THEMIS: variants seen among roughly 807,000 people sequenced by gnomAD.
THEMIS encodes the protein protein THEMIS.
In THEMIS, 37 loss-of-function variants were observed where a neutral mutation model predicts 52.6. The observed-to-expected ratio is 0.70, with a 90% CI of 0.54 to 0.93. The LOEUF is 0.93. Ranked by LOEUF, THEMIS falls within the 40% of genes least tolerant of loss-of-function variation. The probability of loss-of-function intolerance (pLI) is 0.00; values close to 1 mark genes in which losing one functional copy is unlikely to be tolerated. For missense variants in THEMIS, 808 were observed against 763.1 expected (o/e 1.06, Z -0.69); for synonymous variants, 292 against 272.7 (o/e 1.07, Z -0.70).
intron 4 of THEMIS, among the ~76,000 whole-genome samples, chr6:127,734,839 A>T (rs1320005328): frequency 1.5e-5 from 2 of 130,134 alleles, no homozygotes; most frequent in East Asian, 4.9e-4. Context: ...ATTGCATTCC[A>T]GCCTGGGCGA....
At chr6:127,721,597 A>T (rs553910) in intron 4 of THEMIS, among the ~76,000 whole-genome samples, 55,025 of 151,860 alleles carry the variant, frequency 0.36, 11,745 homozygotes, top group Non-Finnish European at 0.5. Context: ...GGATGTTGGT[A>T]TCAACTAGAA....
chr6:127,712,144 T>C (rs1382042314), intron 5 of THEMIS, among the ~76,000 whole-genome samples: 2 of 151,892 alleles, frequency 1.3e-5, no homozygotes, highest in African/African-American at 4.8e-5. Context: ...TTTGTCCAAC[T>C]CTCCCTTGTC....
At chr6:127,885,079 G>A (rs1780604894) in intron 1 of THEMIS, among the ~76,000 whole-genome samples, 1 of 152,100 alleles carries the variant, frequency 6.6e-6, no homozygotes, top group East Asian at 1.9e-4. Context: ...ATAAATTGGA[G>A]TGGGGGAGAA....
At chr6:127,821,270 G>T (rs769023280) in intron 3 of THEMIS, among the ~76,000 whole-genome samples, 1 of 151,822 alleles carries the variant, frequency 6.6e-6, no homozygotes, top group Non-Finnish European at 1.5e-5. Flanking sequence ...AGACCAAAGA[G>T]TACAAGCTAA....
intron 4 of THEMIS, among the ~76,000 whole-genome samples, chr6:127,808,919 C>T (rs765107708): frequency 1.6e-4 from 24 of 152,124 alleles, no homozygotes; most frequent in African/African-American, 4.6e-4. Flanking sequence ...CATAACCAAC[C>T]GCAGATACCT....
chr6:127,908,984 C>A (rs1781345511), intron 1 of THEMIS, among the ~76,000 whole-genome samples: 1 of 151,522 alleles, frequency 6.6e-6, no homozygotes, highest in Non-Finnish European at 1.5e-5. Context: ...TGATAAGTTG[C>A]CAATTGCTTA....
At chr6:127,861,806 G>GA (rs1779810614) in intron 1 of THEMIS, among the ~76,000 whole-genome samples, 3 of 73,448 alleles carry the variant, frequency 4.1e-5, no homozygotes, top group African/African-American at 1.0e-4. Flanking sequence ...AAAAAAAAAA[G>GA]AAAAGAAAGA....
rs149173595 is a variant in THEMIS, at chr6:127,792,613, C to T, written c.1758+20270G>A. ...CCTTCAAAATGCTCCTCATTTTTAA[C>T]CATTCCCTGAAAAACTCATGTTGCC... On this transcript the variant is annotated intron_variant, in intron 4 of 5. Transcript: ENST00000368248. Among the ~76,000 whole-genome samples the T allele has an allele frequency of 1.2e-4, 19 of 152,298 alleles. 1 individual carries two copies. In the East Asian group the frequency reaches 3.1e-3, roughly 25 times the overall value.
In THEMIS at chr6:127,733,021, G is replaced by A. The variant is rs542366899; in HGVS notation, c.1759-13198C>T. The stretch of plus-strand genomic sequence containing the variant: ...CTCAGTCTATTTAACCATTCTAGTG[G>A]ATTTGGTGTTGTTCGTGTTATCTCC... On this transcript the variant is annotated intron_variant, in intron 4 of 5. Transcript: ENST00000368248. 5.9e-5 allele frequency among the ~76,000 whole-genome samples: 9 copies of A among 152,250 alleles called. No homozygotes were observed. The South Asian group carries it at 1.9e-3, about 32-fold the overall frequency.
chr6:127,745,689 A>T (rs928045025), intron 4 of THEMIS, among the ~76,000 whole-genome samples: 1 of 151,918 alleles, frequency 6.6e-6, no homozygotes, highest in African/African-American at 2.4e-5. Flanking sequence ...GTGAAATAAC[A>T]TCCACACCAG....
intron 4 of THEMIS, among the ~76,000 whole-genome samples, chr6:127,782,186 T>C (rs1417301978): frequency 6.6e-6 from 1 of 152,158 alleles, no homozygotes; most frequent in Non-Finnish European, 1.5e-5. Flanking sequence ...TTTAGACTGC[T>C]GTGCTGGTAG....
At chr6:127,822,803 A>G (rs1319747080) in intron 3 of THEMIS, among the ~76,000 whole-genome samples, 1 of 152,084 alleles carries the variant, frequency 6.6e-6, no homozygotes, top group Non-Finnish European at 1.5e-5. Context: ...GGTGGGCCTC[A>G]TCTAATCAGT....
At chr6:127,848,058 T>C (rs1336188463) in intron 2 of THEMIS, among the ~76,000 whole-genome samples, 2 of 83,338 alleles carry the variant, frequency 2.4e-5, no homozygotes, top group Non-Finnish European at 5.5e-5. Context: ...CCTAATGCTA[T>C]CCCTCCCCCC....
intron 1 of THEMIS, among the ~76,000 whole-genome samples, chr6:127,856,878 C>A (rs908142995): frequency 1.1e-4 from 17 of 151,912 alleles, no homozygotes; most frequent in African/African-American, 4.1e-4. Context: ...TTGCTATGAT[C>A]CTCATTTGGC....
At chr6:127,900,770 C>T (rs1229584812) in intron 1 of THEMIS, 72 bp downstream of exon 1, 1 of 1,302,272 alleles carries the variant, frequency 7.7e-7, no homozygotes, top group Non-Finnish European at 1.1e-6. Flanking sequence ...TTAAAATTCC[C>T]CCCCTCCAAT....
At chr6:127,877,057 A>G (rs78783413) in intron 1 of THEMIS, among the ~76,000 whole-genome samples, 2,854 of 152,282 alleles carry the variant, frequency 0.019, 98 homozygotes, top group African/African-American at 0.066. Context: ...TGTCTAAAAA[A>G]TAATGTATAT....
intron 4 of THEMIS, among the ~76,000 whole-genome samples, chr6:127,809,021 A>T (rs138480265): frequency 6.6e-6 from 1 of 152,332 alleles, no homozygotes; most frequent in East Asian, 1.9e-4. Context: ...GCAAGAAATG[A>T]TTTAGTAAAG....
intron 4 of THEMIS, among the ~76,000 whole-genome samples, chr6:127,796,544 G>A (rs1777335596): frequency 6.6e-6 from 1 of 152,088 alleles, no homozygotes; most frequent in African/African-American, 2.4e-5. Flanking sequence ...GACAAAAGGA[G>A]AAAACATAAA....
At chr6:127,903,162 T>C (rs1468610053), upstream of THEMIS, among the ~76,000 whole-genome samples, 1 of 152,072 alleles carries the variant, frequency 6.6e-6, no homozygotes, top group East Asian at 1.9e-4. Context: ...TCAGGCCCTA[T>C]AGATGGCAAT....
Sources: allele counts gnomAD v4.1 joint callset (sites outside exome capture counted in the v4.1 genomes callset), GRCh38; gene constraint gnomAD v4.1.1; transcripts MANE v1.5; gene names NCBI Gene and HGNC (gene_info 2026-07-23, HGNC 2026-07-21).